Variants in PPP1R12A observed in about 807,000 individuals in gnomAD.
PPP1R12A encodes the protein protein phosphatase 1 regulatory subunit 12A.
Under a neutral mutation model 139.6 loss-of-function variants are expected in PPP1R12A, and 19 were observed. The observed-to-expected ratio is 0.14, with a 90% CI of 0.09 to 0.20. The LOEUF (loss-of-function observed/expected upper bound fraction) is 0.20. PPP1R12A is among the 10% of genes least tolerant of loss of function. PPP1R12A has a pLI of 1.00. For missense variants in PPP1R12A, 925 were observed against 1,211.5 expected, an observed-to-expected ratio of 0.76 and a Z score of 3.51; for synonymous variants, 427 against 420.6, an observed-to-expected ratio of 1.02 and a Z score of -0.19.
chr12:79,877,164 G>A (rs1883189178), intron 1 of PPP1R12A, among the ~76,000 whole-genome samples: 1 of 152,102 alleles, frequency 6.6e-6, no homozygotes, highest in Non-Finnish European at 1.5e-5. Context: ...GAAGAAGTGT[G>A]AGGGGGTATT....
intron 2 of PPP1R12A, among the ~76,000 whole-genome samples, chr12:79,867,557 G>C (rs1388063970): frequency 6.6e-6 from 1 of 151,976 alleles, no homozygotes; most frequent in Non-Finnish European, 1.5e-5. Context: ...CCCTACTGAA[G>C]GTAGATAGCA....
intron 1 of PPP1R12A, among the ~76,000 whole-genome samples, chr12:79,882,894 T>G (rs1423548672): frequency 6.6e-6 from 1 of 152,060 alleles, no homozygotes; most frequent in African/African-American, 2.4e-5. Context: ...ATCCTAGCAC[T>G]TTGGGAGGCC....
At chr12:79,912,134 C>G (rs1302798503) in intron 1 of PPP1R12A, among the ~76,000 whole-genome samples, 2 of 152,182 alleles carry the variant, frequency 1.3e-5, no homozygotes, top group African/African-American at 2.4e-5. Flanking sequence ...AAGAATCTAT[C>G]TCTCCACCCT....
intron 1 of PPP1R12A, among the ~76,000 whole-genome samples, chr12:79,874,907 A>G (rs897835550): frequency 2.6e-5 from 4 of 152,182 alleles, no homozygotes; most frequent in African/African-American, 9.7e-5. Flanking sequence ...TTGTTCTTGC[A>G]GTTCTCACTG....
chr12:79,872,196 G>A (rs766637995), intron 2 of PPP1R12A, among the ~76,000 whole-genome samples: 38 of 152,156 alleles, frequency 2.5e-4, no homozygotes, highest in Non-Finnish European at 4.6e-4. Flanking sequence ...TGTTTACTGT[G>A]TGGATAGATA....
chr12:79,779,126 A>C (rs1450474236), intron 23 of PPP1R12A: 1 of 368,384 alleles, frequency 2.7e-6, no homozygotes, highest in East Asian at 7.3e-5. Context: ...GTGTAGCATT[A>C]ATGCAGTGAA....
chr12:79,846,359 C>T (rs143068562), intron 2 of PPP1R12A, among the ~76,000 whole-genome samples: 20 of 152,244 alleles, frequency 1.3e-4, no homozygotes, highest in African/African-American at 4.8e-4. Context: ...TTAATCATGT[C>T]AACAGCACAT....
chr12:79,808,723 T>C (rs1157641059), intron 10 of PPP1R12A, 146 bp from the exon 11 acceptor site: 1 of 431,832 alleles, frequency 2.3e-6, no homozygotes, highest in Non-Finnish European at 4.1e-6. Flanking sequence ...AGCTGAACTC[T>C]AAAATTAATG....
At chr12:79,802,982 C>A (rs1873377507) in intron 14 of PPP1R12A, among the ~76,000 whole-genome samples, 1 of 152,184 alleles carries the variant, frequency 6.6e-6, no homozygotes, top group Non-Finnish European at 1.5e-5. Context: ...AACCACTACA[C>A]TCTCTCCCTA....
At chr12:79,825,837 A>G (rs1199524324) in intron 5 of PPP1R12A, among the ~76,000 whole-genome samples, 2 of 151,992 alleles carry the variant, frequency 1.3e-5, no homozygotes, top group Non-Finnish European at 2.9e-5. Context: ...ATGATGTATG[A>G]CAATTTAAAA....
At chr12:79,912,299 T>C (rs1188459258) in intron 1 of PPP1R12A, among the ~76,000 whole-genome samples, 3 of 152,218 alleles carry the variant, frequency 2.0e-5, no homozygotes, top group Non-Finnish European at 4.4e-5. Flanking sequence ...CTTGCATTGA[T>C]ACATTTAATG....
chr12:79,910,441 A>G (rs1030827862), intron 1 of PPP1R12A, among the ~76,000 whole-genome samples: 2 of 151,052 alleles, frequency 1.3e-5, no homozygotes, highest in Non-Finnish European at 2.9e-5. Flanking sequence ...AGACGGCGCC[A>G]CTGCCTGGGC....
chr12:79,921,253 TG>T (rs1887413943), intron 1 of PPP1R12A, among the ~76,000 whole-genome samples: 2 of 152,108 alleles, frequency 1.3e-5, no homozygotes, highest in South Asian at 4.2e-4. Context: ...GCTTAGTAAA[TG>T]GAAGACTGAT....
chr12:79,838,279 TTTAG>T (rs1427623937), intron 3 of PPP1R12A, among the ~76,000 whole-genome samples: 10 of 152,178 alleles, frequency 6.6e-5, no homozygotes, highest in African/African-American at 2.4e-4. Context: ...AGGGAGGTAA[TTTAG>T]GGTATCTGAT....
chr12:79,895,881 A>G (rs1220946239), intron 1 of PPP1R12A, among the ~76,000 whole-genome samples: 2 of 152,240 alleles, frequency 1.3e-5, no homozygotes, highest in African/African-American at 4.8e-5. Flanking sequence ...ACAAAATAAT[A>G]CAGCAAATGC....
At chr12:79,850,416 GA>G (rs921503236) in intron 2 of PPP1R12A, among the ~76,000 whole-genome samples, 5 of 152,154 alleles carry the variant, frequency 3.3e-5, no homozygotes, top group Non-Finnish European at 2.9e-5. Context: ...ACTATCTTCT[GA>G]GTTTTGTCAA....
intron 2 of PPP1R12A, among the ~76,000 whole-genome samples, chr12:79,870,859 T>G (rs1374182756): frequency 6.6e-6 from 1 of 152,186 alleles, no homozygotes. Context: ...AGCTACAACA[T>G]GGACAAATGA....
chr12:79,928,012 G>T (rs956935874), intron 1 of PPP1R12A, among the ~76,000 whole-genome samples: 1 of 152,156 alleles, frequency 6.6e-6, no homozygotes, highest in African/African-American at 2.4e-5. Context: ...ACATGTTATG[G>T]TAGTAACAAA....
chr12:79,805,868 A>G, intron 13 of PPP1R12A, 100 bp from the exon 14 acceptor site: 1 of 1,287,646 alleles, frequency 7.8e-7, no homozygotes, highest in South Asian at 1.6e-5. Flanking sequence ...ACAGGGATGG[A>G]TTTTTTTAAA....
Sources: allele counts gnomAD v4.1 joint callset (sites outside exome capture counted in the v4.1 genomes callset), GRCh38; gene constraint gnomAD v4.1.1; transcripts MANE v1.5; gene names NCBI Gene and HGNC (gene_info 2026-07-23, HGNC 2026-07-21).